CBFA2T3: variants seen among roughly 807,000 people sequenced by gnomAD.
The protein encoded by CBFA2T3 is transcriptional corepressor CBFA2T3.
CBFA2T3 carries 31 observed loss-of-function variants against 58.6 expected under a neutral mutation model. That is an observed-to-expected ratio of 0.53 (90% CI 0.40 to 0.71). The LOEUF is 0.71. CBFA2T3 is among the 30% of genes least tolerant of loss of function. CBFA2T3 has a pLI of 0.00. For missense variants in CBFA2T3, 1,076 were observed against 963.1 expected, an observed-to-expected ratio of 1.12 and a Z score of -1.55; for synonymous variants, 531 against 421.9, an observed-to-expected ratio of 1.26 and a Z score of -3.17.
intron 7 of CBFA2T3, chr16:88,883,170 G>C (rs1969197826): frequency 3.6e-6 from 1 of 279,608 alleles, no homozygotes; most frequent in Non-Finnish European, 7.1e-6. Context: ...GTTAGACTAA[G>C]CGTGGCCTGA....
At chr16:88,951,732 C>T (rs562765424) in intron 1 of CBFA2T3, among the ~76,000 whole-genome samples, 5 of 152,290 alleles carry the variant, frequency 3.3e-5, no homozygotes, top group Non-Finnish European at 5.9e-5. Context: ...CAATCACAAT[C>T]CTTCCCTGGG....
At chr16:88,896,021 C>G (rs1969874261) in intron 3 of CBFA2T3, among the ~76,000 whole-genome samples, 1 of 152,202 alleles carries the variant, frequency 6.6e-6, no homozygotes, top group Non-Finnish European at 1.5e-5. Flanking sequence ...TCAGGCCTGA[C>G]CTGGGCTTCC....
At chr16:88,912,828 C>T (rs1970573155) in intron 1 of CBFA2T3, among the ~76,000 whole-genome samples, 1 of 152,234 alleles carries the variant, frequency 6.6e-6, no homozygotes. Flanking sequence ...AGGCCTGTCC[C>T]CTCTGCCGTG....
intron 2 of CBFA2T3, 56 bp from the exon 3 acceptor site, chr16:88,898,208 G>T: frequency 1.5e-6 from 2 of 1,350,028 alleles, no homozygotes; most frequent in Non-Finnish European, 2.1e-6. Flanking sequence ...AGGAGACTCT[G>T]CCCTCAGGGG....
In CBFA2T3 at chr16:88,915,077, G is replaced by C. The variant is rs1309386417; in HGVS notation, c.152-13421C>G. Among the ~76,000 whole-genome samples the C allele has an allele frequency of 8.6e-5, 13 of 151,550 alleles. No individual in the cohort carries two copies. The East Asian group carries it at 2.4e-3, about 28-fold the overall frequency. On this transcript the variant is annotated intron_variant, in intron 1 of 11. Coordinates refer to ENST00000268679, the MANE Select transcript of CBFA2T3 (RefSeq NM_005187.6). ...GGCCCTGGCACCCTGGGAGTCCTGG[G>C]GGTAGCGGGTCCCTTCTCTTGTCTC...
intron 1 of CBFA2T3, among the ~76,000 whole-genome samples, chr16:88,965,241 A>C (rs935990167): frequency 2.6e-5 from 4 of 152,200 alleles, no homozygotes; most frequent in African/African-American, 9.6e-5. Context: ...CAGTCTGGGC[A>C]GATTGTTTTT....
intron 1 of CBFA2T3, among the ~76,000 whole-genome samples, chr16:88,949,334 A>G (rs144322510): frequency 2.0e-4 from 31 of 152,302 alleles, no homozygotes; most frequent in African/African-American, 7.2e-4. Context: ...CGAGGAGGGC[A>G]GATCACTTGA....
intron 1 of CBFA2T3, among the ~76,000 whole-genome samples, chr16:88,908,744 A>G (rs1567600168): frequency 6.6e-6 from 1 of 152,226 alleles, no homozygotes; most frequent in Non-Finnish European, 1.5e-5. Flanking sequence ...CTTCCGCTGT[A>G]ACCTTCTTTG....
rs1262338263 is a variant in CBFA2T3, at chr16:88,975,582, G to A, written c.151+1075C>T. On this transcript the variant is annotated intron_variant, in intron 1 of 11. Transcript: ENST00000268679. ...CGGGATGGCAGATGCCAGGGCCAGT[G>A]GGCTGGTGCTGCCTTGAAGGTGGCT... is the stretch of plus-strand genomic sequence containing the variant. Among the ~76,000 whole-genome samples, 4 of 152,388 alleles carry A rather than the reference G, an allele frequency of 2.6e-5. No individual in the cohort carries two copies. In the East Asian group the frequency reaches 7.7e-4, roughly 29 times the overall value.
chr16:88,884,198 G>T (rs2142548222), intron 7 of CBFA2T3: 1 of 152,444 alleles, frequency 6.6e-6, no homozygotes, highest in Middle Eastern at 3.4e-3. Context: ...CTGCTGCCTG[G>T]GCCCTGGAAC....
intron 1 of CBFA2T3, among the ~76,000 whole-genome samples, chr16:88,952,056 A>T (rs1222087662): frequency 2.6e-5 from 4 of 152,304 alleles, no homozygotes; most frequent in South Asian, 2.1e-4. Context: ...CGGCCCCAGC[A>T]GCCCCAGGAG....
At chr16:88,898,760 C>T (rs748152460) in intron 2 of CBFA2T3, among the ~76,000 whole-genome samples, 17 of 152,174 alleles carry the variant, frequency 1.1e-4, no homozygotes, top group Admixed American at 4.6e-4. Flanking sequence ...CAGTGGCTCA[C>T]GCCTGTAATC....
In CBFA2T3 at chr16:88,934,860, C is replaced by T. The variant is rs184491772; in HGVS notation, c.152-33204G>A. ...GTTCACGCTATTCTCCTGCCTCAGC[C>T]TCCCCAGTAGCTGGGACTACAGGCG... On this transcript the variant is annotated intron_variant, in intron 1 of 11. Transcript: ENST00000268679. Among the ~76,000 whole-genome samples the T allele has an allele frequency of 1.2e-4, 18 of 152,358 alleles. 1 individual carries two copies. The East Asian group carries it at 3.5e-3, about 29-fold the overall frequency.
rs552452618 is a variant in CBFA2T3 at position 88,937,561 on chromosome 16, A to C, written c.152-35905T>G. 4.6e-5 allele frequency: 7 copies of C among 152,352 alleles called. No homozygotes were observed. In the East Asian group the frequency reaches 1.2e-3, roughly 25 times the overall value. 9.4% of individuals were successfully genotyped at this position (152,352 alleles called of 1,614,324 possible). A position where few individuals can be genotyped will look rare whatever the true frequency, so the allele number is the denominator to read the frequency against. ...GGGGCCTGACCACCCTGGATGTGTCACAGACAGAGCCCCGTGGTACCCACC... is the reference window on the plus strand; with the variant it reads ...GGGGCCTGACCACCCTGGATGTGTCCCAGACAGAGCCCCGTGGTACCCACC... On this transcript the variant is annotated intron_variant, in intron 1 of 11. Coordinates refer to ENST00000268679, the MANE Select transcript of CBFA2T3 (RefSeq NM_005187.6).
At chr16:88,946,589 TCTC>T (rs1971908156) in intron 1 of CBFA2T3, among the ~76,000 whole-genome samples, 1 of 151,598 alleles carries the variant, frequency 6.6e-6, no homozygotes, top group African/African-American at 2.4e-5. Context: ...TTCAAGCAAT[TCTC>T]CTGCCTCAGC....
At chr16:88,976,481 T>C (rs149707606) in intron 1 of CBFA2T3, among the ~76,000 whole-genome samples, 176 bp downstream of exon 1, 117 of 152,308 alleles carry the variant, frequency 7.7e-4, no homozygotes, top group African/African-American at 2.6e-3. Flanking sequence ...GCCCCAGCTG[T>C]GCAGGACCTG....
At chr16:88,896,993 C>A (rs538466903) in intron 3 of CBFA2T3, among the ~76,000 whole-genome samples, 1 of 152,230 alleles carries the variant, frequency 6.6e-6, no homozygotes, top group African/African-American at 2.4e-5. Context: ...TAAGTTAGAC[C>A]GCACACGTGT....
Position 88,885,634 on chromosome 16 carries a change from G to A in CBFA2T3, c.893+327C>T. The A allele has an allele frequency of 2.3e-6, 1 of 425,746 alleles. No homozygotes were observed. The allele number at this position is 425,746 out of a possible 1,614,324, so 26.4% of individuals were successfully genotyped here. On this transcript the variant is annotated intron_variant, in intron 6 of 11. Coordinates refer to ENST00000268679, the MANE Select transcript of CBFA2T3 (RefSeq NM_005187.6). The surrounding 1 kb of genome is among the most constrained non-coding windows in gnomAD (Gnocchi z 5.3). ...CACAAGAGCGTCTGGGGCAGCAGAG[G>A]GGGCCCAGCCCAGGCACCTGGGGAC...
chr16:88,884,023 G>A (rs898491730), intron 7 of CBFA2T3: 3 of 152,242 alleles, frequency 2.0e-5, no homozygotes, highest in African/African-American at 7.2e-5. Context: ...CCACAGCTCA[G>A]TCACCAGCCT....
Sources: allele counts gnomAD v4.1 joint callset (sites outside exome capture counted in the v4.1 genomes callset), GRCh38; gene constraint gnomAD v4.1.1; non-coding constraint Gnocchi (gnomAD v3.1); transcripts MANE v1.5; gene names NCBI Gene and HGNC (gene_info 2026-07-23, HGNC 2026-07-21).